Variants in ARHGEF38 observed in about 807,000 individuals in gnomAD.
ARHGEF38 encodes Rho guanine nucleotide exchange factor (GEF) 38.
Under a neutral mutation model 79.9 loss-of-function variants are expected in ARHGEF38, and 79 were observed. The observed-to-expected ratio is 0.99, with a 90% confidence interval of 0.82 to 1.19. The LOEUF is 1.19. Ranked by LOEUF, ARHGEF38 falls within the 50% of genes most tolerant of loss-of-function variation. The pLI, the probability that ARHGEF38 is intolerant of heterozygous loss-of-function variation, is 0.00. For synonymous variants in ARHGEF38, 366 were observed against 328.3 expected (o/e 1.11, Z -1.24); for missense variants, 962 against 907.2 (o/e 1.06, Z -0.78).
rs1330515783 is a variant in ARHGEF38 at position 105,670,825 on chromosome 4, T to A, written c.2148+3122T>A. ...ATGGACAGAAATCTGAGGGCCAAAT[T>A]TATCAGCACACTCTAAAGCTGGCTT... On this transcript the variant is annotated intron_variant, in intron 13 of 13. Coordinates refer to ENST00000420470, the MANE Select transcript of ARHGEF38 (RefSeq NM_001242729.2). 2.0e-5 allele frequency among the ~76,000 whole-genome samples: 3 copies of A among 152,194 alleles called. No individual in the cohort carries two copies. The East Asian group carries it at 5.8e-4, about 29-fold the overall frequency.
At chr4:105,660,244 C>G (rs1177243382) in intron 10 of ARHGEF38, among the ~76,000 whole-genome samples, 2 of 152,166 alleles carry the variant, frequency 1.3e-5, no homozygotes, top group Non-Finnish European at 2.9e-5. Flanking sequence ...ATTCGCCACT[C>G]TCATCCCCAT....
chr4:105,629,075 G>GA (rs1560732344), intron 3 of ARHGEF38, among the ~76,000 whole-genome samples: 2 of 150,254 alleles, frequency 1.3e-5, no homozygotes, highest in South Asian at 2.3e-4. Context: ...ATCATTCTCC[G>GA]ATTGTATAAT....
chr4:105,591,413 T>C (rs1279428052), intron 2 of ARHGEF38, among the ~76,000 whole-genome samples: 1 of 152,112 alleles, frequency 6.6e-6, no homozygotes, highest in African/African-American at 2.4e-5. Context: ...GTATATTTAG[T>C]AGAGACGGGG....
intron 3 of ARHGEF38, among the ~76,000 whole-genome samples, chr4:105,619,960 C>T (rs1221853816): frequency 6.6e-6 from 1 of 152,140 alleles, no homozygotes; most frequent in Non-Finnish European, 1.5e-5. Flanking sequence ...GTTTGTGATT[C>T]ACAGCTGTAG....
chr4:105,559,109 A>G (rs1443079853), intron 1 of ARHGEF38, among the ~76,000 whole-genome samples: 1 of 152,128 alleles, frequency 6.6e-6, no homozygotes, highest in Non-Finnish European at 1.5e-5. Flanking sequence ...TCATATTAGC[A>G]TCAGTACCTT....
intron 7 of ARHGEF38, among the ~76,000 whole-genome samples, chr4:105,650,027 C>T (rs1304611210): frequency 3.3e-5 from 5 of 152,200 alleles, no homozygotes; most frequent in Admixed American, 2.0e-4. Context: ...TGAGATGATG[C>T]ATACATCAAG....
Position 105,678,807 on chromosome 4 carries a change from TTTC to T in ARHGEF38, c.*873_*875del, listed in dbSNP as rs1731205152. On this transcript the variant is annotated 3_prime_UTR_variant, in exon 14 of 14. Coordinates refer to ENST00000420470, the MANE Select transcript of ARHGEF38 (RefSeq NM_001242729.2). ...CTTCAGCCAGGGCTTTTTTCTTTCTTTTCTTGTTGTTTTTTTTTTTTTTTAAAG... is the reference window on the plus strand; with the variant it reads ...CTTCAGCCAGGGCTTTTTTCTTTCTTTTGTTGTTTTTTTTTTTTTTTAAAG... 6.7e-6 allele frequency: 1 copy of T among 148,204 alleles called. No individual in the cohort carries two copies. Among genetic ancestry groups the T allele is most frequent in the South Asian group, 2.1e-4 (1 of 4,788 alleles). 9.2% of individuals were successfully genotyped at this position (148,204 alleles called of 1,614,324 possible).
chr4:105,561,369 T>C (rs1725515386), intron 1 of ARHGEF38, among the ~76,000 whole-genome samples: 2 of 141,998 alleles, frequency 1.4e-5, no homozygotes, highest in South Asian at 2.4e-4. Context: ...GCCACTGCAC[T>C]CCAGCCTGGA....
intron 1 of ARHGEF38, among the ~76,000 whole-genome samples, chr4:105,578,968 T>C (rs755045771): frequency 1.3e-5 from 2 of 152,210 alleles, no homozygotes; most frequent in Non-Finnish European, 2.9e-5. Context: ...TTTCAGTTTT[T>C]CTCATTATGT....
At chr4:105,648,815 TCTCC>T (rs970411540) in intron 7 of ARHGEF38, 133 bp downstream of exon 7, 86 of 766,420 alleles carry the variant, frequency 1.1e-4, no homozygotes, top group South Asian at 1.8e-4. Flanking sequence ...TGTTCTCTTG[TCTCC>T]CTCTCTCTCT....
chr4:105,668,970 G>A (rs6817029), intron 13 of ARHGEF38, among the ~76,000 whole-genome samples: 20,280 of 152,064 alleles, frequency 0.13, 1,998 homozygotes, highest in African/African-American at 0.28. Flanking sequence ...TGCACAAGCC[G>A]GGGCGGTTGA....
At chr4:105,606,544 TA>T (rs1453480322) in intron 2 of ARHGEF38, among the ~76,000 whole-genome samples, 2 of 152,078 alleles carry the variant, frequency 1.3e-5, no homozygotes, top group Non-Finnish European at 2.9e-5. Context: ...TAAAATCCTT[TA>T]AAAAATTAAT....
intron 1 of ARHGEF38, among the ~76,000 whole-genome samples, chr4:105,567,723 C>G (rs936487287): frequency 1.1e-4 from 16 of 152,086 alleles, no homozygotes; most frequent in Non-Finnish European, 1.5e-4. Context: ...AGCACAATAT[C>G]AACTCAATAT....
chr4:105,645,397 G>T lies in ARHGEF38; in HGVS notation c.874+10G>T, dbSNP rs1176168451. On this transcript the variant is annotated intron_variant, in intron 6 of 13. Coordinates refer to ENST00000420470, the MANE Select transcript of ARHGEF38 (RefSeq NM_001242729.2). ...AGAAGGAAAGATTTAGGTAGGAAGA[G>T]ACATGATGAATTGGTTGTTTTCCAT... 2 of 1,505,298 alleles carry T rather than the reference G, an allele frequency of 1.3e-6. No individual in the cohort carries two copies. The highest frequency in any genetic ancestry group is 1.8e-6 in the Non-Finnish European group (2 of 1,133,112). The allele number at this position is 1,505,298 out of a possible 1,614,324, so 93.2% of individuals were successfully genotyped here.
chr4:105,631,142 T>C (rs1216977769), intron 4 of ARHGEF38, 97 bp downstream of exon 4: 1 of 1,411,750 alleles, frequency 7.1e-7, no homozygotes, highest in South Asian at 1.9e-5. Flanking sequence ...ATAAATCCTA[T>C]GTTTTATGAG....
chr4:105,603,157 A>G (rs561677662), intron 2 of ARHGEF38, among the ~76,000 whole-genome samples: 1 of 152,280 alleles, frequency 6.6e-6, no homozygotes, highest in East Asian at 1.9e-4. Flanking sequence ...AATAATAGCT[A>G]CAATATATTG....
At chr4:105,662,641 A>AT (rs1273130625) in intron 10 of ARHGEF38, among the ~76,000 whole-genome samples, 1 of 152,172 alleles carries the variant, frequency 6.6e-6, no homozygotes, top group East Asian at 1.9e-4. Flanking sequence ...CTCCAACACT[A>AT]TTTATTTAAA....
chr4:105,653,194 A>T (rs1387751136), intron 7 of ARHGEF38, among the ~76,000 whole-genome samples: 1 of 152,208 alleles, frequency 6.6e-6, no homozygotes, highest in Admixed American at 6.5e-5. Flanking sequence ...ATGTACATGT[A>T]AGATGACAAA....
intron 1 of ARHGEF38, among the ~76,000 whole-genome samples, chr4:105,575,056 T>C (rs1026913347): frequency 6.6e-6 from 1 of 151,620 alleles, no homozygotes; most frequent in African/African-American, 2.4e-5. Flanking sequence ...CTGTATCCAC[T>C]CACTGGTCAG....
Sources: allele counts gnomAD v4.1 joint callset (sites outside exome capture counted in the v4.1 genomes callset), GRCh38; gene constraint gnomAD v4.1.1; transcripts MANE v1.5; gene names NCBI Gene and HGNC (gene_info 2026-07-23, HGNC 2026-07-21).